The following WASF2 variants were observed in gnomAD, a reference collection of about 807,000 sequenced individuals.
The protein encoded by WASF2 is actin-binding protein WASF2.
A neutral mutation model predicts 45.0 loss-of-function variants in WASF2; 14 were observed. That is an observed-to-expected ratio of 0.31 (90% CI 0.21 to 0.49). The LOEUF is 0.49. WASF2 is among the 20% of genes least tolerant of loss of function. WASF2 has a pLI of 0.99. For synonymous variants in WASF2, 200 were observed against 236.3 expected (o/e 0.85, Z 1.41); for missense variants, 439 against 636.1 (o/e 0.69, Z 3.33).
chr1:27,483,711 C>T lies in WASF2; in HGVS notation c.-44+6275G>A, dbSNP rs555249299. On this transcript the variant is annotated intron_variant, in intron 1 of 8. Coordinates refer to ENST00000618852, the MANE Select transcript of WASF2 (RefSeq NM_006990.5). Reference sequence around the variant, plus strand: ...TATGCTTATCCCTGTAATCTCAGCACTTTAGGGGGCCAAGGCAGCAGGATG... The same window carrying T: ...TATGCTTATCCCTGTAATCTCAGCATTTTAGGGGGCCAAGGCAGCAGGATG... Among the ~76,000 whole-genome samples, 6 of 151,898 alleles carry T rather than the reference C, an allele frequency of 4.0e-5. No homozygotes were observed. The East Asian group carries it at 1.2e-3, about 29-fold the overall frequency.
intron 1 of WASF2, among the ~76,000 whole-genome samples, chr1:27,456,474 T>G (rs1408491563): frequency 6.6e-6 from 1 of 152,106 alleles, no homozygotes; most frequent in Non-Finnish European, 1.5e-5. Flanking sequence ...TAGAGGTCCA[T>G]ATCAGATAGG....
chr1:27,434,969 G>A (rs999944102), intron 1 of WASF2, among the ~76,000 whole-genome samples: 5 of 151,382 alleles, frequency 3.3e-5, no homozygotes, highest in Non-Finnish European at 5.9e-5. Context: ...TTTTTTAGAC[G>A]GAGTTTTGCT....
rs1246893355 is a variant in WASF2 at position 27,405,923 on chromosome 1, A to G, written c.*2266T>C. The G allele has an allele frequency of 2.6e-5, 4 of 152,246 alleles. No individual in the cohort carries two copies. Among genetic ancestry groups the G allele is most frequent in the Non-Finnish European group, 4.4e-5 (3 of 67,964 alleles). The allele number at this position is 152,246 out of a possible 1,614,324, so 9.4% of individuals were successfully genotyped here. ...CCCCTCCCCACCTCCTCCTGCCCCCAGCCCTTTCCACGATGGACTCAGTCC... is the reference window on the plus strand; with the variant it reads ...CCCCTCCCCACCTCCTCCTGCCCCCGGCCCTTTCCACGATGGACTCAGTCC... On this transcript the variant is annotated 3_prime_UTR_variant, in exon 9 of 9. Coordinates refer to ENST00000618852, the MANE Select transcript of WASF2 (RefSeq NM_006990.5).
At chr1:27,439,262 C>T (rs2017176702) in intron 1 of WASF2, among the ~76,000 whole-genome samples, 1 of 152,104 alleles carries the variant, frequency 6.6e-6, no homozygotes, top group South Asian at 2.1e-4. Context: ...ATGTATAAAA[C>T]GTTTAGCACA....
At chr1:27,439,143 A>G (rs1243947006) in intron 1 of WASF2, among the ~76,000 whole-genome samples, 1 of 152,242 alleles carries the variant, frequency 6.6e-6, no homozygotes, top group African/African-American at 2.4e-5. Flanking sequence ...GCCACATTTT[A>G]TAGCTTTGGA....
chr1:27,448,860 A>AC (rs2017344595), intron 1 of WASF2, among the ~76,000 whole-genome samples: 1 of 151,092 alleles, frequency 6.6e-6, no homozygotes, highest in Non-Finnish European at 1.5e-5. Context: ...AAAAAAAAAA[A>AC]GGTCATCCAC....
intron 1 of WASF2, among the ~76,000 whole-genome samples, chr1:27,446,426 A>G (rs2017310446): frequency 1.3e-5 from 2 of 152,200 alleles, no homozygotes; most frequent in Non-Finnish European, 2.9e-5. Flanking sequence ...GTGGGACAAG[A>G]AGCCTAGAGA....
intron 1 of WASF2, among the ~76,000 whole-genome samples, chr1:27,461,471 T>C (rs1376025178): frequency 6.7e-6 from 1 of 150,118 alleles, no homozygotes; most frequent in East Asian, 2.0e-4. Flanking sequence ...TTTTTTTTTT[T>C]TTTTTTTGAG....
intron 2 of WASF2, among the ~76,000 whole-genome samples, chr1:27,428,523 G>A (rs2017017431): frequency 6.6e-6 from 1 of 152,124 alleles, no homozygotes; most frequent in Non-Finnish European, 1.5e-5. Context: ...GATTTCTGTT[G>A]AAGCAGGTGG....
intron 1 of WASF2, among the ~76,000 whole-genome samples, chr1:27,487,663 T>C (rs1376464744): frequency 9.4e-6 from 1 of 106,132 alleles, no homozygotes; most frequent in African/African-American, 3.8e-5. Flanking sequence ...ATATAATATA[T>C]ATTATATATA....
chr1:27,479,701 C>T (rs2017820190), intron 1 of WASF2, among the ~76,000 whole-genome samples: 1 of 152,100 alleles, frequency 6.6e-6, no homozygotes, highest in African/African-American at 2.4e-5. Context: ...CCCGTCTCTA[C>T]TAAAAATACA....
chr1:27,449,028 C>G (rs974331464), intron 1 of WASF2, among the ~76,000 whole-genome samples: 1 of 152,064 alleles, frequency 6.6e-6, no homozygotes, highest in African/African-American at 2.4e-5. Flanking sequence ...CCACCACAAC[C>G]CCCACCAGCC....
chr1:27,472,674 AGG>A (rs745895106), intron 1 of WASF2, among the ~76,000 whole-genome samples: 2 of 116,986 alleles, frequency 1.7e-5, no homozygotes, highest in Non-Finnish European at 1.6e-5. Context: ...AAAAAAAAAA[AGG>A]GGAAATCAGG....
intron 1 of WASF2, among the ~76,000 whole-genome samples, chr1:27,455,484 G>T (rs974171179): frequency 2.0e-5 from 3 of 152,136 alleles, no homozygotes; most frequent in African/African-American, 7.2e-5. Context: ...GAAGGGCCGA[G>T]ACTGAGAAAA....
chr1:27,458,851 C>T (rs2017508724), intron 1 of WASF2, among the ~76,000 whole-genome samples: 2 of 151,460 alleles, frequency 1.3e-5, no homozygotes, highest in South Asian at 2.1e-4. Flanking sequence ...GGCAGCCGAG[C>T]GCAGAGGCTC....
chr1:27,441,337 G>GA (rs964565150), intron 1 of WASF2, among the ~76,000 whole-genome samples: 1 of 149,452 alleles, frequency 6.7e-6, no homozygotes, highest in African/African-American at 2.5e-5. Flanking sequence ...TATAAAAAAT[G>GA]AAAAACGTGG....
intron 1 of WASF2, among the ~76,000 whole-genome samples, chr1:27,461,683 C>G (rs2017547529): frequency 6.6e-6 from 1 of 151,906 alleles, no homozygotes; most frequent in Non-Finnish European, 1.5e-5. Context: ...ACCGTGTTAG[C>G]CAGGATGGTC....
At chr1:27,430,495 G>GGATT (rs533277233) in intron 1 of WASF2, among the ~76,000 whole-genome samples, 52 of 152,196 alleles carry the variant, frequency 3.4e-4, no homozygotes, top group African/African-American at 1.2e-3. Flanking sequence ...CAAGTAGTTA[G>GGATT]GATTACAGGC....
intron 4 of WASF2, 75 bp from the exon 5 acceptor site, chr1:27,416,177 T>A: frequency 7.9e-7 from 1 of 1,268,424 alleles, no homozygotes; most frequent in Non-Finnish European, 1.2e-6. Context: ...TCCAAACACC[T>A]ACCAGTTAGC....
Sources: gnomAD v4.1 joint callset for allele counts (sites outside exome capture counted in the v4.1 genomes callset) on GRCh38, gnomAD v4.1.1 for gene constraint, MANE v1.5 for transcripts, NCBI Gene and HGNC (gene_info 2026-07-23, HGNC 2026-07-21) for gene names.